The following ANKFN1 variants were observed in gnomAD, a reference collection of about 807,000 sequenced individuals.
The protein encoded by ANKFN1 is ankyrin repeat and fibronectin type III domain containing 1.
A neutral mutation model predicts 108.7 loss-of-function variants in ANKFN1; 74 were observed. The ratio of observed to expected loss-of-function variants is 0.68; its 90% CI spans 0.56 to 0.83. ANKFN1 has a LOEUF of 0.83. Ranked by LOEUF, ANKFN1 falls within the 40% of genes least tolerant of loss-of-function variation. The pLI is 0.00. For synonymous variants in ANKFN1, 547 were observed against 516.2 expected, an observed-to-expected ratio of 1.06 and a Z score of -0.81; for missense variants, 1,505 against 1,382.3, an observed-to-expected ratio of 1.09 and a Z score of -1.41.
At chr17:56,187,826 G>A (rs749111123) in intron 1 of ANKFN1, among the ~76,000 whole-genome samples, 31 of 151,906 alleles carry the variant, frequency 2.0e-4, no homozygotes, top group South Asian at 8.3e-4. Context: ...GCAAACTATC[G>A]CAAGGACAGA....
At chr17:56,472,634 AG>A (rs2050360207) in intron 15 of ANKFN1, 1 of 152,270 alleles carries the variant, frequency 6.6e-6, no homozygotes, top group Admixed American at 6.5e-5. Flanking sequence ...GAATAAGTCA[AG>A]GTCCCTACTT....
intron 3 of ANKFN1, among the ~76,000 whole-genome samples, chr17:56,274,431 C>G (rs559168219): frequency 6.6e-6 from 1 of 152,196 alleles, no homozygotes; most frequent in East Asian, 1.9e-4. Context: ...TGAGATCGCG[C>G]CACTACACTC....
chr17:56,087,028 T>C (rs571143939), intron 4 of ANKFN1, among the ~76,000 whole-genome samples: 10 of 151,414 alleles, frequency 6.6e-5, no homozygotes, highest in African/African-American at 2.4e-4. Flanking sequence ...ATGTCTAAAA[T>C]GGTACACAGG....
intron 1 of ANKFN1, among the ~76,000 whole-genome samples, chr17:56,208,880 A>T (rs115076304): frequency 0.02 from 2,978 of 151,390 alleles, 95 homozygotes; most frequent in African/African-American, 0.069. Context: ...CTTTTATTTT[A>T]TTATTATTAT....
Position 56,363,218 on chromosome 17 carries a change from A to G in ANKFN1, c.601+9172A>G, listed in dbSNP as rs185369018. Among the ~76,000 whole-genome samples, 405 of 152,214 alleles carry G rather than the reference A, an allele frequency of 2.7e-3. 3 individuals carry two copies. Among genetic ancestry groups the G allele is most frequent in the Non-Finnish European group, 3.4e-3 (234 of 68,010 alleles). On this transcript the variant is annotated intron_variant, in intron 6 of 20. Coordinates refer to ENST00000682825, the MANE Select transcript of ANKFN1 (RefSeq NM_001370326.1). ...CAGCCTGGGGACAGAGGGAGACTCC[A>G]TCTCAAAAATAAAAATAAAAATAAA...
rs2050824122 is a variant in ANKFN1, at chr17:56,485,435, TCAG to T, written c.2260+2914_2260+2916del. Among the ~76,000 whole-genome samples the T allele has an allele frequency of 2.6e-5, 4 of 152,184 alleles. No individual in the cohort carries two copies. The South Asian group carries it at 8.3e-4, about 32-fold the overall frequency. On this transcript the variant is annotated intron_variant, in intron 18 of 20. Transcript: ENST00000682825. ...AGTAAGAGTGTGCTTGGCTAAGAGA[TCAG>T]CATATCTGGAGCATAGTAAGCAAAA...
At chr17:56,160,249 A>G (rs1248577922) in intron 1 of ANKFN1, among the ~76,000 whole-genome samples, 1 of 152,214 alleles carries the variant, frequency 6.6e-6, no homozygotes, top group Non-Finnish European at 1.5e-5. Flanking sequence ...AAACTTTCAG[A>G]ATGAATAAAA....
intron 12 of ANKFN1, 29 bp from the exon 13 acceptor site, chr17:56,457,228 A>G: frequency 6.5e-7 from 1 of 1,534,126 alleles, no homozygotes; most frequent in Non-Finnish European, 8.8e-7. Context: ...GGTTGAGGAC[A>G]ATGCTTTTAT....
In ANKFN1 at chr17:56,334,634, T is replaced by C. The variant is rs535690115; in HGVS notation, c.188+8279T>C. On this transcript the variant is annotated intron_variant, in intron 4 of 20. Coordinates refer to ENST00000682825, the MANE Select transcript of ANKFN1 (RefSeq NM_001370326.1). ...GGACAATACATGACTACTATTAACA[T>C]GAGGAATAATGTTAATTATGAGGAA... Among the ~76,000 whole-genome samples, 426 of 152,198 alleles carry C rather than the reference T, an allele frequency of 2.8e-3. 2 individuals are homozygous for C. Among genetic ancestry groups the C allele is most frequent in the African/African-American group, 9.6e-3 (400 of 41,542 alleles).
Position 56,456,380 on chromosome 17 carries a change from T to C in ANKFN1, c.1208-481T>C, listed in dbSNP as rs542406880. ...TGAGTTAACCACTGGCATCTCAAGATACCAGAGCTTCTTTTTTTCTCTTTT... is the reference window on the plus strand; with the variant it reads ...TGAGTTAACCACTGGCATCTCAAGACACCAGAGCTTCTTTTTTTCTCTTTT... On this transcript the variant is annotated intron_variant, in intron 11 of 20. Transcript: ENST00000682825. Among the ~76,000 whole-genome samples the C allele has an allele frequency of 4.0e-5, 6 of 150,842 alleles. No individual in the cohort carries two copies. The East Asian group carries it at 1.2e-3, about 30-fold the overall frequency.
chr17:56,052,398 T>G (rs1257621389), intron 4 of ANKFN1, among the ~76,000 whole-genome samples: 1 of 152,126 alleles, frequency 6.6e-6, no homozygotes, highest in African/African-American at 2.4e-5. Context: ...AAGCCTAGGA[T>G]GGACAGACCA....
At chr17:56,460,449 T>C (rs1052482633) in intron 14 of ANKFN1, among the ~76,000 whole-genome samples, 1 of 147,504 alleles carries the variant, frequency 6.8e-6, no homozygotes, top group Non-Finnish European at 1.5e-5. Context: ...TAAGACCTTG[T>C]CTAAAAATAA....
chr17:56,156,344 T>A (rs573818267), intron 1 of ANKFN1, among the ~76,000 whole-genome samples: 1 of 152,314 alleles, frequency 6.6e-6, no homozygotes, highest in South Asian at 2.1e-4. Context: ...CACCTTGGCC[T>A]CCCAAAGTGC....
chr17:56,369,764 A>G (rs968472681), intron 6 of ANKFN1, among the ~76,000 whole-genome samples: 4 of 152,206 alleles, frequency 2.6e-5, no homozygotes, highest in South Asian at 4.1e-4. Flanking sequence ...ACTGGAAAAA[A>G]TAAATAAAAG....
At chr17:56,338,271 G>A (rs779649923) in intron 4 of ANKFN1, among the ~76,000 whole-genome samples, 1 of 152,126 alleles carries the variant, frequency 6.6e-6, no homozygotes, top group Admixed American at 6.5e-5. Context: ...TTGGACACAG[G>A]GCGGGGAACA....
chr17:56,476,226 G>A (rs12103477), intron 15 of ANKFN1, among the ~76,000 whole-genome samples: 16,229 of 152,070 alleles, frequency 0.11, 2,292 homozygotes, highest in African/African-American at 0.33. Context: ...TACCTGACTC[G>A]TCACTCCTAA....
intron 4 of ANKFN1, among the ~76,000 whole-genome samples, chr17:56,081,527 A>AT (rs1302887985): frequency 6.6e-6 from 1 of 151,610 alleles, no homozygotes; most frequent in Non-Finnish European, 1.5e-5. Context: ...TAATTTTTGT[A>AT]TTTTCAGTAG....
intron 20 of ANKFN1, among the ~76,000 whole-genome samples, chr17:56,509,562 G>GA (rs2051676030): frequency 6.6e-6 from 1 of 152,158 alleles, no homozygotes; most frequent in Non-Finnish European, 1.5e-5. Context: ...AGGGGAAGCT[G>GA]AAAAAAGGCG....
intron 4 of ANKFN1, among the ~76,000 whole-genome samples, chr17:56,122,225 T>C (rs978192682): frequency 6.6e-6 from 1 of 152,192 alleles, no homozygotes; most frequent in Non-Finnish European, 1.5e-5. Context: ...GTTTTAACCA[T>C]TGGAGTTAAT....
Sources: allele counts gnomAD v4.1 joint callset (sites outside exome capture counted in the v4.1 genomes callset), GRCh38; gene constraint gnomAD v4.1.1; transcripts MANE v1.5; gene names NCBI Gene and HGNC (gene_info 2026-07-23, HGNC 2026-07-21).